FRMD4A: variants seen among roughly 807,000 people sequenced by gnomAD.
FRMD4A encodes FERM domain-containing protein 4A.
Under a neutral mutation model 129.1 loss-of-function variants are expected in FRMD4A, and 29 were observed. The ratio of observed to expected loss-of-function variants is 0.22; its 90% CI spans 0.17 to 0.31. The LOEUF (loss-of-function observed/expected upper bound fraction) is 0.31. Ranked by LOEUF, FRMD4A falls within the 10% of genes least tolerant of loss-of-function variation. The probability of loss-of-function intolerance (pLI) is 1.00; values close to 1 mark genes in which losing one functional copy is unlikely to be tolerated. For synonymous variants in FRMD4A, 634 were observed against 571.6 expected, an observed-to-expected ratio of 1.11 and a Z score of -1.56; for missense variants, 1,272 against 1,375.8, an observed-to-expected ratio of 0.92 and a Z score of 1.19.
chr10:13,823,536 T>C (rs988748214), intron 3 of FRMD4A, among the ~76,000 whole-genome samples: 14 of 152,220 alleles, frequency 9.2e-5, no homozygotes, highest in African/African-American at 3.1e-4. Context: ...AAGCAACATC[T>C]TGGGATTCCA....
chr10:13,750,129 A>AAATG (rs2091537716), intron 8 of FRMD4A, among the ~76,000 whole-genome samples: 1 of 144,380 alleles, frequency 6.9e-6, no homozygotes, highest in Non-Finnish European at 1.6e-5. Flanking sequence ...AGAAAGAAAG[A>AAATG]AAGAAAGAAA....
chr10:13,818,636 C>T (rs1341280998), intron 3 of FRMD4A, among the ~76,000 whole-genome samples: 2 of 152,120 alleles, frequency 1.3e-5, no homozygotes, highest in Non-Finnish European at 1.5e-5. Flanking sequence ...TATATAATTT[C>T]AGGTAAGTTA....
At chr10:13,728,468 C>G (rs984195563) in intron 12 of FRMD4A, among the ~76,000 whole-genome samples, 117 of 151,964 alleles carry the variant, frequency 7.7e-4, no homozygotes, top group Middle Eastern at 6.8e-3. Context: ...CTGACTTTCC[C>G]CCATGAATAC....
At chr10:13,876,908 A>G (rs2094494260) in intron 2 of FRMD4A, among the ~76,000 whole-genome samples, 1 of 152,102 alleles carries the variant, frequency 6.6e-6, no homozygotes, top group Non-Finnish European at 1.5e-5. Flanking sequence ...ATTCAGTGAA[A>G]TATGTTTTAA....
rs1339137401 is a variant in FRMD4A, at chr10:13,912,533, T to G, written c.46-53621A>C. Among the ~76,000 whole-genome samples the G allele has an allele frequency of 4.8e-5, 7 of 146,974 alleles. 1 individual carries two copies. In the South Asian group the frequency reaches 6.8e-4, roughly 14 times the overall value. On this transcript the variant is annotated intron_variant, in intron 2 of 24. Transcript: ENST00000357447. Reference sequence around the variant, plus strand: ...CCACATAATAGAATTTTTTTTTTTTTTTTTTTTTTTTTTGAGATGGAGTCT... The same window carrying G: ...CCACATAATAGAATTTTTTTTTTTTGTTTTTTTTTTTTTGAGATGGAGTCT...
intron 8 of FRMD4A, among the ~76,000 whole-genome samples, chr10:13,751,898 C>A (rs1564742423): frequency 6.6e-6 from 1 of 151,978 alleles, no homozygotes; most frequent in Non-Finnish European, 1.5e-5. Context: ...CACTTGTAGT[C>A]CCAGCTATCT....
intron 2 of FRMD4A, among the ~76,000 whole-genome samples, chr10:14,136,842 C>T (rs751665082): frequency 6.6e-6 from 1 of 152,332 alleles, no homozygotes; most frequent in Non-Finnish European, 1.5e-5. Flanking sequence ...TGTATCACAG[C>T]TGCGTTTTTA....
At chr10:14,165,514 A>G (rs1347268782) in intron 2 of FRMD4A, among the ~76,000 whole-genome samples, 3 of 152,224 alleles carry the variant, frequency 2.0e-5, no homozygotes, top group African/African-American at 7.2e-5. Context: ...ATTACTGAGC[A>G]TATACCCAAA....
At chr10:13,885,522 G>C (rs1490966223) in intron 2 of FRMD4A, among the ~76,000 whole-genome samples, 1 of 152,168 alleles carries the variant, frequency 6.6e-6, no homozygotes, top group African/African-American at 2.4e-5. Flanking sequence ...ATGCCTGTAA[G>C]CTCTTCCTCA....
chr10:13,864,724 C>T lies in FRMD4A; in HGVS notation c.46-5812G>A, dbSNP rs189232148. On this transcript the variant is annotated intron_variant, in intron 2 of 24. Transcript: ENST00000357447. ...CCGAGTAGCTGGGATTATAGGCACC[C>T]GCCACCATGCCAGGCTAATTTTTTG... 1.4e-4 allele frequency among the ~76,000 whole-genome samples: 21 copies of T among 151,998 alleles called. No homozygotes were observed. The East Asian group carries it at 3.5e-3, about 25-fold the overall frequency.
chr10:13,930,963 G>T (rs2095187970), intron 2 of FRMD4A, among the ~76,000 whole-genome samples: 1 of 152,082 alleles, frequency 6.6e-6, no homozygotes, highest in Admixed American at 6.5e-5. Flanking sequence ...CTCCTGTGTA[G>T]CTGGGACTAC....
At chr10:13,735,551 C>T (rs1406777788) in intron 12 of FRMD4A, among the ~76,000 whole-genome samples, 1 of 152,174 alleles carries the variant, frequency 6.6e-6, no homozygotes, top group Non-Finnish European at 1.5e-5. Flanking sequence ...CAAGTGCTAG[C>T]TCATCACCTC....
intron 2 of FRMD4A, among the ~76,000 whole-genome samples, chr10:14,148,619 C>G (rs925154632): frequency 5.3e-5 from 8 of 152,036 alleles, no homozygotes; most frequent in African/African-American, 1.9e-4. Flanking sequence ...AAAAATTAGC[C>G]AGGCATGGTG....
chr10:14,288,029 T>A (rs2132070825), intron 2 of FRMD4A, among the ~76,000 whole-genome samples: 1 of 152,090 alleles, frequency 6.6e-6, no homozygotes, highest in Non-Finnish European at 1.5e-5. Flanking sequence ...AACTCTAGAA[T>A]AAATGACTTT....
At chr10:14,315,236 T>C (rs1846696005) in intron 2 of FRMD4A, among the ~76,000 whole-genome samples, 2 of 152,146 alleles carry the variant, frequency 1.3e-5, no homozygotes, top group African/African-American at 4.8e-5. Flanking sequence ...TGACCCTGAA[T>C]ATGTATGTCC....
intron 4 of FRMD4A, among the ~76,000 whole-genome samples, chr10:13,806,639 T>C (rs2093361674): frequency 6.6e-6 from 1 of 150,574 alleles, no homozygotes; most frequent in Non-Finnish European, 1.5e-5. Flanking sequence ...AGAACAGGGG[T>C]TTTCAAATTT....
chr10:14,237,900 G>A (rs76422524), intron 2 of FRMD4A, among the ~76,000 whole-genome samples: 12,815 of 152,162 alleles, frequency 0.084, 533 homozygotes, highest in African/African-American at 0.098. Context: ...AGCAGGGCAC[G>A]CACAGCCCTG....
chr10:13,738,083 C>T lies in FRMD4A; in HGVS notation c.673-153G>A, dbSNP rs138796465. 3.3e-3 allele frequency among the ~76,000 whole-genome samples: 509 copies of T among 152,186 alleles called. 4 individuals carry two copies. Among genetic ancestry groups the T allele is most frequent in the African/African-American group, 0.011 (470 of 41,500 alleles). ...TGTCTACTTTGTTTCTTAACAGATG[C>T]GTCTGTCATTGAAGGATACTCTGTT... On this transcript the variant is annotated intron_variant, in intron 11 of 24. Transcript: ENST00000357447.
At chr10:13,956,276 C>T (rs1005733802) in intron 2 of FRMD4A, among the ~76,000 whole-genome samples, 1 of 152,180 alleles carries the variant, frequency 6.6e-6, no homozygotes, top group African/African-American at 2.4e-5. Context: ...CCTCCGCCTC[C>T]TGGGTAGCTG....
Sources: allele counts gnomAD v4.1 joint callset (sites outside exome capture counted in the v4.1 genomes callset), GRCh38; gene constraint gnomAD v4.1.1; transcripts MANE v1.5; gene names NCBI Gene and HGNC (gene_info 2026-07-23, HGNC 2026-07-21).